Variants in CEP63 observed in about 807,000 individuals in gnomAD.
The protein encoded by CEP63 is centrosomal protein of 63 kDa.
In CEP63, 84 loss-of-function variants were observed where a neutral mutation model predicts 89.1. That is an observed-to-expected ratio of 0.94 (90% confidence interval 0.79 to 1.13). The LOEUF is 1.13. Ranked by LOEUF, CEP63 falls within the 50% of genes most tolerant of loss-of-function variation. The pLI, the probability that CEP63 is intolerant of heterozygous loss-of-function variation, is 0.00. For synonymous variants in CEP63, 267 were observed against 272.5 expected, an observed-to-expected ratio of 0.98 and a Z score of 0.20; for missense variants, 838 against 813.3, an observed-to-expected ratio of 1.03 and a Z score of -0.37.
At chr3:134,521,206 TACAATC>T (rs1947374094) in intron 3 of CEP63, among the ~76,000 whole-genome samples, 1 of 152,036 alleles carries the variant, frequency 6.6e-6, no homozygotes, top group Non-Finnish European at 1.5e-5. Context: ...AAATGCAAAT[TACAATC>T]ACAAGATAAC....
chr3:134,603,363 C>T, the CEP63 span: 1 of 484,120 alleles, frequency 2.1e-6, no homozygotes, highest in Non-Finnish European at 3.6e-6. Flanking sequence ...TCTAAAGAGC[C>T]ACTGCCTCTG....
rs1414107692 is a variant in CEP63, at chr3:134,561,377, T to C, written c.1954T>C (p.Cys652Arg). 1 of 1,613,610 alleles carries C rather than the reference T, an allele frequency of 6.2e-7. No homozygotes were observed. Among genetic ancestry groups the C allele is most frequent in the South Asian group, 1.1e-5 (1 of 91,074 alleles). ...ATGTCAAAATTTGTGTCTCTTCCAG[T>C]GTTCCTTGCCTGTATCTCCCCTTGG... The part of the protein sequence containing the change: ...MNDQEEFISS[C>R]SLPVSPLGSI... The change falls in exon 15 of 15, where the codon TGT (cysteine) becomes CGT (arginine). Residue 652 changes from cysteine to arginine, a missense_variant and splice_region_variant. Transcript: ENST00000675561.
the CEP63 span, among the ~76,000 whole-genome samples, chr3:134,744,594 A>G: frequency 6.6e-6 from 1 of 152,184 alleles, no homozygotes; most frequent in Admixed American, 6.5e-5. Context: ...AGCTCACTGC[A>G]TCCTTGAACT....
chr3:134,731,707 G>A, the CEP63 span, among the ~76,000 whole-genome samples: 6 of 152,074 alleles, frequency 3.9e-5, no homozygotes, highest in African/African-American at 1.4e-4. Flanking sequence ...AGAGACTACC[G>A]AAAACTTTAA....
At chr3:134,620,855 C>T in the CEP63 span, 1 of 1,605,110 alleles carries the variant, frequency 6.2e-7, no homozygotes, top group African/African-American at 1.3e-5. Flanking sequence ...TCTTGGCTGT[C>T]ACCTGGGGAG....
At chr3:134,598,077 C>T in the CEP63 span, 4 of 152,154 alleles carry the variant, frequency 2.6e-5, no homozygotes, top group African/African-American at 9.7e-5. Context: ...TGAAGTAGGC[C>T]GAGGCAGCCA....
At chr3:134,727,086 C>T in the CEP63 span, among the ~76,000 whole-genome samples, 1 of 152,058 alleles carries the variant, frequency 6.6e-6, no homozygotes, top group Non-Finnish European at 1.5e-5. Flanking sequence ...CTGATTGCCA[C>T]TGAGATTTGA....
the CEP63 span, among the ~76,000 whole-genome samples, chr3:134,685,856 G>T: frequency 0.61 from 93,427 of 152,054 alleles, 29,767 homozygotes; most frequent in East Asian, 0.91. Context: ...CTGGCCAAAT[G>T]GGCTTCAGTG....
chr3:134,496,645 G>A (rs1940144171), intron 2 of CEP63, among the ~76,000 whole-genome samples: 1 of 152,122 alleles, frequency 6.6e-6, no homozygotes, highest in Non-Finnish European at 1.5e-5. Context: ...GAATCTTCTG[G>A]TGATAACTGA....
chr3:134,564,154 G>A lies in CEP63; in HGVS notation c.*2619G>A. 2.1e-6 allele frequency: 1 copy of A among 479,892 alleles called. No homozygotes were observed. Among genetic ancestry groups the A allele is most frequent in the Non-Finnish European group, 2.7e-6 (1 of 367,966 alleles). 29.7% of individuals were successfully genotyped at this position (479,892 alleles called of 1,614,324 possible). On this transcript the variant is annotated 3_prime_UTR_variant, in exon 15 of 15. Coordinates refer to ENST00000675561, the MANE Select transcript of CEP63 (RefSeq NM_001353108.3). ...TCTTTAGAATTAAAACTCCTTGAGG[G>A]CAAGGACTTTGCTTCTCTGGTTCAT...
chr3:134,603,982 G>A, the CEP63 span: 1 of 1,613,898 alleles, frequency 6.2e-7, no homozygotes. Flanking sequence ...GCCTGCATGG[G>A]GCAGCTGGAC....
the CEP63 span, among the ~76,000 whole-genome samples, chr3:134,658,597 C>T: frequency 2.0e-5 from 3 of 152,222 alleles, no homozygotes; most frequent in Admixed American, 2.0e-4. Context: ...ATGCTGCCAG[C>T]AAGCTGAGAC....
At chr3:134,498,043 C>G (rs1368405895) in intron 2 of CEP63, among the ~76,000 whole-genome samples, 1 of 152,106 alleles carries the variant, frequency 6.6e-6, no homozygotes, top group East Asian at 1.9e-4. Context: ...ATTCCTTTGG[C>G]TATTCAGGGC....
chr3:134,641,252 G>C, the CEP63 span: 2 of 152,186 alleles, frequency 1.3e-5, no homozygotes, highest in African/African-American at 4.8e-5. Context: ...GGCCTTTAGA[G>C]ATATCCATGC....
At chr3:134,728,383 T>C in the CEP63 span, among the ~76,000 whole-genome samples, 2 of 152,244 alleles carry the variant, frequency 1.3e-5, no homozygotes, top group African/African-American at 2.4e-5. Flanking sequence ...CAAGTAAAGA[T>C]ATGCTTAGTA....
At chr3:134,769,844 C>T in the CEP63 span, among the ~76,000 whole-genome samples, 11 of 152,238 alleles carry the variant, frequency 7.2e-5, no homozygotes, top group Admixed American at 2.0e-4. Context: ...GCAGAAATGA[C>T]ATACAGGTGT....
At chr3:134,520,892 G>A (rs1019474165) in intron 3 of CEP63, among the ~76,000 whole-genome samples, 10 of 152,082 alleles carry the variant, frequency 6.6e-5, no homozygotes, top group Non-Finnish European at 1.2e-4. Context: ...GATGGATTAC[G>A]AATTTAAATG....
At chr3:134,763,335 T>A in the CEP63 span, among the ~76,000 whole-genome samples, 1 of 152,102 alleles carries the variant, frequency 6.6e-6, no homozygotes, top group South Asian at 2.1e-4. Context: ...CATTATTTTT[T>A]AAAAGTAATC....
intron 14 of CEP63, 41 bp from the exon 15 acceptor site, chr3:134,561,333 ATAT>A: frequency 6.6e-7 from 1 of 1,507,980 alleles, no homozygotes; most frequent in Non-Finnish European, 9.2e-7. Context: ...TAGAAATATA[ATAT>A]TCTACTTATT....
Sources: allele counts gnomAD v4.1 joint callset (sites outside exome capture counted in the v4.1 genomes callset), GRCh38; gene constraint gnomAD v4.1.1; transcripts MANE v1.5; gene names NCBI Gene and HGNC (gene_info 2026-07-23, HGNC 2026-07-21).